Variants in GAB2 observed in about 807,000 individuals in gnomAD.
GAB2 encodes GRB2 associated binding protein 2.
GAB2 carries 26 observed loss-of-function variants against 65.5 expected under a neutral mutation model. The ratio of observed to expected loss-of-function variants is 0.40; its 90% CI spans 0.29 to 0.55. GAB2 has a LOEUF of 0.55. Among genes scored for constraint, GAB2 ranks in the 20% least tolerant of loss-of-function variants. GAB2 has a pLI of 0.53. For missense variants in GAB2, 884 were observed against 875.8 expected (o/e 1.01, Z -0.12); for synonymous variants, 321 against 329.6 (o/e 0.97, Z 0.28).
chr11:78,341,240 G>T (rs921678233), intron 1 of GAB2, among the ~76,000 whole-genome samples: 5 of 152,306 alleles, frequency 3.3e-5, no homozygotes, highest in African/African-American at 1.2e-4. Context: ...TTTATTGAAT[G>T]CCTATTATGT....
chr11:78,315,001 C>T (rs943572365), intron 1 of GAB2, among the ~76,000 whole-genome samples: 13 of 152,016 alleles, frequency 8.6e-5, no homozygotes, highest in African/African-American at 2.9e-4. Flanking sequence ...ACAGTGGCAG[C>T]GAGGGAGACA....
chr11:78,254,227 T>C (rs12270658), intron 2 of GAB2, among the ~76,000 whole-genome samples: 2,422 of 152,290 alleles, frequency 0.016, 79 homozygotes, highest in African/African-American at 0.057. Context: ...TGGAACACCT[T>C]CTATCACTTA....
At chr11:78,331,774 T>C (rs559893315) in intron 1 of GAB2, among the ~76,000 whole-genome samples, 17 of 152,112 alleles carry the variant, frequency 1.1e-4, no homozygotes, top group African/African-American at 4.1e-4. Flanking sequence ...AAACTCACAA[T>C]AGACCAAGGG....
At chr11:78,385,877 G>A (rs375727669) in intron 1 of GAB2, among the ~76,000 whole-genome samples, 165 of 152,274 alleles carry the variant, frequency 1.1e-3, no homozygotes, top group African/African-American at 3.8e-3. Context: ...TATCTAACCT[G>A]TCTTATTCAG....
intron 3 of GAB2, among the ~76,000 whole-genome samples, chr11:78,233,925 A>T (rs1306229016): frequency 6.6e-6 from 1 of 152,044 alleles, no homozygotes; most frequent in African/African-American, 2.4e-5. Flanking sequence ...TTCTTTTCTT[A>T]AAGAGGCCTC....
In GAB2 at chr11:78,219,289, T is replaced by C. The variant is rs779560386; in HGVS notation, c.2014A>G (p.Lys672Glu). The C allele has an allele frequency of 6.2e-7, 1 of 1,613,570 alleles. No homozygotes were observed. The highest frequency in any genetic ancestry group is 8.5e-7 in the Non-Finnish European group (1 of 1,179,968). ...TDVRQSSEPS[K>E]GAKL Reference sequence around the variant, plus strand: ...CCCTCTCATCACAGCTTGGCACCCTTGGAAGGCTCTGAGGACTGCCGCACG... The same window carrying C: ...CCCTCTCATCACAGCTTGGCACCCTCGGAAGGCTCTGAGGACTGCCGCACG... The change falls in exon 10 of 10, where the codon AAG becomes GAG. Residue 672 changes from lysine (K) to glutamate (E), a missense_variant. Lys to Glu is a moderately conservative substitution (Grantham distance 56). Transcript: ENST00000361507.
At chr11:78,321,871 TA>T (rs199889491) in intron 1 of GAB2, among the ~76,000 whole-genome samples, 30,916 of 141,772 alleles carry the variant, frequency 0.22, 3,401 homozygotes, top group East Asian at 0.42. Flanking sequence ...TTGACAAAGT[TA>T]AAAAAAAAAA....
At chr11:78,304,708 G>C (rs912736402) in intron 1 of GAB2, among the ~76,000 whole-genome samples, 1 of 152,132 alleles carries the variant, frequency 6.6e-6, no homozygotes, top group Non-Finnish European at 1.5e-5. Flanking sequence ...CCTGCAGCCT[G>C]ACATTAAAGT....
intron 1 of GAB2, among the ~76,000 whole-genome samples, chr11:78,368,243 C>G (rs1171747041): frequency 6.6e-6 from 1 of 152,160 alleles, no homozygotes. Flanking sequence ...CCAGGAAGTC[C>G]ATGAACAGCA....
At chr11:78,389,860 A>G (rs1264924833) in intron 1 of GAB2, among the ~76,000 whole-genome samples, 2 of 152,120 alleles carry the variant, frequency 1.3e-5, no homozygotes, top group Non-Finnish European at 2.9e-5. Flanking sequence ...CTTTTGTTAT[A>G]CCTTTCTCTC....
intron 1 of GAB2, among the ~76,000 whole-genome samples, chr11:78,361,998 C>T (rs1003390379): frequency 2.0e-5 from 3 of 151,804 alleles, no homozygotes; most frequent in African/African-American, 7.3e-5. Context: ...GATGTACTAC[C>T]ACTCAGCTGC....
At chr11:78,310,231 G>A (rs1271277753) in intron 1 of GAB2, among the ~76,000 whole-genome samples, 3 of 151,778 alleles carry the variant, frequency 2.0e-5, no homozygotes, top group Admixed American at 6.6e-5. Context: ...AGCCGGGTGC[G>A]GTGGCTCACG....
chr11:78,265,492 C>A (rs1290327253), intron 2 of GAB2, among the ~76,000 whole-genome samples: 1 of 152,092 alleles, frequency 6.6e-6, no homozygotes, highest in African/African-American at 2.4e-5. Context: ...TCTGTCTTGG[C>A]TGAGTGTTCT....
At chr11:78,373,199 T>C (rs1342438318) in intron 1 of GAB2, among the ~76,000 whole-genome samples, 2 of 152,056 alleles carry the variant, frequency 1.3e-5, no homozygotes, top group Non-Finnish European at 2.9e-5. Context: ...ATACATTATA[T>C]ATAGAGTCAT....
At chr11:78,300,685 G>GTTTTTT (rs763136988) in intron 1 of GAB2, among the ~76,000 whole-genome samples, 19 of 120,656 alleles carry the variant, frequency 1.6e-4, no homozygotes, top group African/African-American at 6.7e-4. Context: ...TTTTTTTTTG[G>GTTTTTT]TTTTTTTTTG....
intron 1 of GAB2, among the ~76,000 whole-genome samples, chr11:78,341,138 A>G (rs779622378): frequency 6.6e-6 from 1 of 152,210 alleles, no homozygotes; most frequent in South Asian, 2.1e-4. Context: ...CCTGTACCCC[A>G]TGACTTTATT....
At position 78,280,637 on chromosome 11, in the gene GAB2, G is replaced by C. The variant is rs1866308980; in HGVS notation, c.340C>G (p.Gln114Glu). Residue 114 changes from glutamine (Q) to glutamate (E), a missense_variant, in exon 2 of 10, where the codon CAG becomes GAG. Coordinates refer to ENST00000361507, the MANE Select transcript of GAB2 (RefSeq NM_080491.3). ...DMNKWVQSICQICGFNQAEES... is the reference protein window; with the variant it reads ...DMNKWVQSICEICGFNQAEES... ...TCAGCCTGATTGAAGCCACAGATCT[G>C]GCAGATGCTCTGGACCCACTTATTC... 3 of 1,614,082 alleles carry C rather than the reference G, an allele frequency of 1.9e-6. No homozygotes were observed. The East Asian group carries it at 6.7e-5, about 36-fold the overall frequency.
At chr11:78,411,544 G>C (rs1464127866) in intron 1 of GAB2, among the ~76,000 whole-genome samples, 2 of 152,128 alleles carry the variant, frequency 1.3e-5, no homozygotes, top group African/African-American at 2.4e-5. Flanking sequence ...AACAGAAACA[G>C]ACCCACACAA....
At position 78,215,337 on chromosome 11, in the gene GAB2, C is replaced by T. The variant is rs1030365229; in HGVS notation, c.*3935G>A. 2 of 152,590 alleles carry T rather than the reference C, an allele frequency of 1.3e-5. No homozygotes were observed. Among genetic ancestry groups the T allele is most frequent in the African/African-American group, 4.8e-5 (2 of 41,412 alleles). The allele number at this position is 152,590 out of a possible 1,614,324, so 9.5% of individuals were successfully genotyped here. On this transcript the variant is annotated 3_prime_UTR_variant, in exon 10 of 10. Transcript: ENST00000361507. ...TGGACTTTATTGTCCTGCTCCAACA[C>T]CACAGTAGAAAGGGACCTGCAAGCT...
Sources: gnomAD v4.1 joint callset for allele counts (sites outside exome capture counted in the v4.1 genomes callset) on GRCh38, gnomAD v4.1.1 for gene constraint, MANE v1.5 for transcripts, NCBI Gene and HGNC (gene_info 2026-07-23, HGNC 2026-07-21) for gene names.